TNFRSF14: variants seen among roughly 807,000 people sequenced by gnomAD.
The protein encoded by TNFRSF14 is tumor necrosis factor receptor superfamily member 14.
TNFRSF14 carries 18 observed loss-of-function variants against 34.1 expected under a neutral mutation model. That is an observed-to-expected ratio of 0.53 (90% CI 0.36 to 0.78). The LOEUF (loss-of-function observed/expected upper bound fraction) is 0.78, where lower values mean the gene tolerates loss of function less well. TNFRSF14 is among the 30% of genes least tolerant of loss of function. TNFRSF14 has a pLI of 0.00. For synonymous variants in TNFRSF14, 157 were observed against 153.2 expected (o/e 1.02, Z -0.18); for missense variants, 352 against 379.5 (o/e 0.93, Z 0.60).
At position 2,558,246 on chromosome 1, in the gene TNFRSF14, G is replaced by A. The variant is rs943237851; in HGVS notation, c.179-97G>A. 15 of 1,501,268 alleles carry A rather than the reference G, an allele frequency of 1.0e-5. 1 individual carries two copies. The South Asian group carries it at 1.5e-4, about 15-fold the overall frequency. 93.0% of individuals were successfully genotyped at this position (1,501,268 alleles called of 1,614,324 possible). A position where few individuals can be genotyped will look rare whatever the true frequency, so the allele number is the denominator to read the frequency against. On this transcript the variant is annotated intron_variant, in intron 2 of 7. Coordinates refer to ENST00000355716, the MANE Select transcript of TNFRSF14 (RefSeq NM_003820.4). ...GGCCATTTGAGTCCCCTTAGCTGGT[G>A]TCTCCCTGCTTGGGCTCTGGGCGCG... is the stretch of plus-strand genomic sequence containing the variant.
At chr1:2,563,073 G>A (rs1644334073) in intron 7 of TNFRSF14, 75 bp from the exon 8 acceptor site, 3 of 1,600,932 alleles carry the variant, frequency 1.9e-6, no homozygotes, top group South Asian at 1.1e-5. Flanking sequence ...ACTGAAAGCA[G>A]TAAAATGAAC....
At position 2,561,711 on chromosome 1, in the gene TNFRSF14, G is replaced by A. The variant is rs778507728; in HGVS notation, c.590G>A (p.Ser197Asn). ...WLVTKAGAGT[S>N]SSHWVWWFLS... Reference sequence around the variant, plus strand: ...GTGACGAAGGCCGGAGCTGGGACCAGCAGCTCCCACTGGGTATGGTGGTTT... The same window carrying A: ...GTGACGAAGGCCGGAGCTGGGACCAACAGCTCCCACTGGGTATGGTGGTTT... The change falls in exon 6 of 8, where the codon AGC (serine) becomes AAC (asparagine). Residue 197 changes from serine (S) to asparagine (N), a missense_variant. By Grantham distance (46) the Ser-to-Asn change is conservative. Coordinates refer to ENST00000355716, the MANE Select transcript of TNFRSF14 (RefSeq NM_003820.4). This position sits in a 1 kb window ranked among gnomAD's most constrained non-coding sequence, Gnocchi z 6.0. 1 of 1,613,448 alleles carries A rather than the reference G, an allele frequency of 6.2e-7. No individual in the cohort carries two copies. Among genetic ancestry groups the A allele is most frequent in the Admixed American group, 1.7e-5 (1 of 60,024 alleles).
Position 2,561,429 on chromosome 1 carries a change from T to C in TNFRSF14, c.552-244T>C. On this transcript the variant is annotated intron_variant, in intron 5 of 7. Transcript: ENST00000355716. This position sits in a 1 kb window ranked among gnomAD's most constrained non-coding sequence, Gnocchi z 6.0. ...TCTCTCCCCTCTCCCTCTGCCGTCC[T>C]GTCTCCTTTGCCCAGTCTCTCCTTG... 1 of 1,446,058 alleles carries C rather than the reference T, an allele frequency of 6.9e-7. No individual in the cohort carries two copies. Among genetic ancestry groups the C allele is most frequent in the Non-Finnish European group, 9.2e-7 (1 of 1,083,604 alleles). The allele number at this position is 1,446,058 out of a possible 1,614,324, so 89.6% of individuals were successfully genotyped here. A position where few individuals can be genotyped will look rare whatever the true frequency, so the allele number is the denominator to read the frequency against.
chr1:2,554,381 CCGGGAGGTAA>C (rs1644184580), upstream of TNFRSF14: 1 of 152,638 alleles, frequency 6.6e-6, no homozygotes, highest in Non-Finnish European at 1.5e-5. This position sits in a 1 kb window ranked among gnomAD's most constrained non-coding sequence, Gnocchi z 4.2. Flanking sequence ...CTCCTGCTGC[CCGGGAGGTAA>C]CACCCTGGAC....
chr1:2,562,589 A>T (rs1644326139), intron 6 of TNFRSF14: 1 of 585,602 alleles, frequency 1.7e-6, no homozygotes, highest in South Asian at 2.0e-5. Context: ...TGACGGTTGA[A>T]TTAGGGTTAG....
chr1:2,563,102 AGG>A, intron 7 of TNFRSF14, 44 bp from the exon 8 acceptor site: 5 of 1,608,314 alleles, frequency 3.1e-6, no homozygotes, highest in Non-Finnish European at 4.3e-6. Flanking sequence ...CTGGAGTCCC[AGG>A]GGGGCCTGAG....
chr1:2,558,811 G>A, intron 3 of TNFRSF14: 4 of 1,334,540 alleles, frequency 3.0e-6, no homozygotes, highest in Non-Finnish European at 3.9e-6. Context: ...ATGGGATGGT[G>A]CTGGGACTCT....
chr1:2,559,030 C>G, intron 3 of TNFRSF14: 1 of 1,368,966 alleles, frequency 7.3e-7, no homozygotes, highest in Non-Finnish European at 9.6e-7. Flanking sequence ...CGGCTCTGTC[C>G]CCTTGGAGCC....
In TNFRSF14 at chr1:2,561,937, A is replaced by C; in HGVS notation, c.694+122A>C. On this transcript the variant is annotated intron_variant, in intron 6 of 7. Transcript: ENST00000355716. The surrounding 1 kb of genome is among the most constrained non-coding windows in gnomAD (Gnocchi z 6.0). ...CAGGATCCGCGGCTCCTCCCAGGGCAGCCACTGCAGGCTGGGGCAGGTGGG... is the reference window on the plus strand; with the variant it reads ...CAGGATCCGCGGCTCCTCCCAGGGCCGCCACTGCAGGCTGGGGCAGGTGGG... 9.0e-7 allele frequency: 1 copy of C among 1,111,550 alleles called. No homozygotes were observed. The highest frequency in any genetic ancestry group is 1.5e-5 in the South Asian group (1 of 67,588). The allele number at this position is 1,111,550 out of a possible 1,614,324, so 68.9% of individuals were successfully genotyped here.
Position 2,559,924 on chromosome 1 carries a change from G to T in TNFRSF14, c.406G>T (p.Ala136Ser). 6.3e-7 allele frequency: 1 copy of T among 1,599,580 alleles called. No individual in the cohort carries two copies. The highest frequency in any genetic ancestry group is 8.5e-7 in the Non-Finnish European group (1 of 1,173,506). Reference sequence around the variant, plus strand: ...CATCGTCCAGGACGGGGACCACTGCGCCGCGTGCCGCGCTTACGCCACCTC... The same window carrying T: ...CATCGTCCAGGACGGGGACCACTGCTCCGCGTGCCGCGCTTACGCCACCTC... ...FCIVQDGDHCAACRAYATSSP... is the reference protein window; with the variant it reads ...FCIVQDGDHCSACRAYATSSP... Residue 136 changes from alanine (A) to serine (S), a missense_variant, in exon 4 of 8, where the codon GCC (alanine) becomes TCC (serine). By Grantham distance (99) the Ala-to-Ser change is moderately conservative. Coordinates refer to ENST00000355716, the MANE Select transcript of TNFRSF14 (RefSeq NM_003820.4).
Position 2,557,794 on chromosome 1 carries a change from G to A in TNFRSF14, c.138G>A (p.Glu46=), listed in dbSNP as rs762283177. The change falls in exon 2 of 8, where the codon GAG becomes GAA. Residue 46 remains glutamate, a synonymous_variant. Transcript: ENST00000355716. ...CTCTGCCGTCCTGCAAGGAGGACGA[G>A]TACCCAGTGGGCTCCGAGTGCTGCC... ...APALPSCKED[E]YPVGSECCPK... 1.9e-6 allele frequency: 3 copies of A among 1,611,322 alleles called. No homozygotes were observed. The highest frequency in any genetic ancestry group is 2.5e-6 in the Non-Finnish European group (3 of 1,178,878).
In TNFRSF14 at chr1:2,559,943, C is replaced by T. The variant is rs369540003; in HGVS notation, c.425C>T (p.Ala142Val). Residue 142 changes from alanine to valine, a missense_variant, in exon 4 of 8, where the codon GCC becomes GTC. By Grantham distance (64) the Ala-to-Val change is moderately conservative. Coordinates refer to ENST00000355716, the MANE Select transcript of TNFRSF14 (RefSeq NM_003820.4). Reference protein sequence around the residue: ...GDHCAACRAYATSSPGQRVQK... With the variant: ...GDHCAACRAYVTSSPGQRVQK... ...CACTGCGCCGCGTGCCGCGCTTACG[C>T]CACCTCCAGCCCGGGCCAGAGGGTG... The T allele has an allele frequency of 6.3e-6, 10 of 1,592,000 alleles. No homozygotes were observed. Among genetic ancestry groups the T allele is most frequent in the East Asian group, 2.3e-5 (1 of 43,914 alleles).
chr1:2,558,369 G>C lies in TNFRSF14; in HGVS notation c.205G>C (p.Glu69Gln). The change falls in exon 3 of 8, where the codon GAG (glutamate) becomes CAG (glutamine). Residue 69 changes from glutamate to glutamine, a missense_variant. By Grantham distance (29) the Glu-to-Gln change is conservative (BLOSUM62 2). Transcript: ENST00000355716. ...PGYRVKEACG[E>Q]LTGTVCEPCP... Reference sequence around the variant, plus strand: ...TTATCGTGTGAAGGAGGCCTGCGGGGAGCTGACGGGCACAGTGTGTGAACC... The same window carrying C: ...TTATCGTGTGAAGGAGGCCTGCGGGCAGCTGACGGGCACAGTGTGTGAACC... 9 of 1,610,458 alleles carry C rather than the reference G, an allele frequency of 5.6e-6. No homozygotes were observed. Among genetic ancestry groups the C allele is most frequent in the East Asian group, 2.2e-5 (1 of 44,622 alleles).
upstream of TNFRSF14, chr1:2,556,129 A>T: frequency 2.7e-5 from 10 of 363,988 alleles, 1 homozygote; most frequent in South Asian, 2.0e-4. Flanking sequence ...TGGTGGTTTT[A>T]TTCGGAAGGG....
chr1:2,559,467 G>T (rs762076867), intron 3 of TNFRSF14: 6 of 1,431,328 alleles, frequency 4.2e-6, no homozygotes, highest in African/African-American at 2.8e-5. Flanking sequence ...TGCGGGGTGG[G>T]TGTCTGGGTG....
intron 7 of TNFRSF14, 88 bp downstream of exon 7, chr1:2,562,984 T>TG (rs2100864538): frequency 6.6e-7 from 1 of 1,512,760 alleles, no homozygotes; most frequent in Middle Eastern, 1.7e-4. Context: ...GTGTACATGG[T>TG]GGGGGCTCCC....
chr1:2,562,949 C>G (rs568092845), intron 7 of TNFRSF14, 53 bp downstream of exon 7: 4 of 1,551,048 alleles, frequency 2.6e-6, no homozygotes, highest in South Asian at 2.2e-5. Context: ...CACCTCCCCT[C>G]TCCCCGCTGG....
At chr1:2,558,239 A>G in intron 2 of TNFRSF14, 104 bp from the exon 3 acceptor site, 1 of 1,486,488 alleles carries the variant, frequency 6.7e-7, no homozygotes, top group Non-Finnish European at 8.9e-7. Context: ...GAGTCCCCTT[A>G]GCTGGTGTCT....
chr1:2,561,891 GAGGTGGCC>G lies in TNFRSF14; in HGVS notation c.694+77_694+84del. On this transcript the variant is annotated intron_variant, in intron 6 of 7. Transcript: ENST00000355716. The surrounding 1 kb of genome is among the most constrained non-coding windows in gnomAD (Gnocchi z 6.0). ...TGGAGCTCTGTCACCCCAAGCCTGG[GAGGTGGCC>G]CCAGAGCTTTTCCAGGATCCGCGGC... The G allele has an allele frequency of 6.7e-7, 1 of 1,493,094 alleles. No individual in the cohort carries two copies. The highest frequency in any genetic ancestry group is 9.1e-7 in the Non-Finnish European group (1 of 1,097,172). 92.5% of individuals were successfully genotyped at this position (1,493,094 alleles called of 1,614,324 possible).
Sources: gnomAD v4.1 joint callset for allele counts on GRCh38, gnomAD v4.1.1 for gene constraint, Gnocchi (gnomAD v3.1) non-coding constraint, MANE v1.5 for transcripts, NCBI Gene and HGNC (gene_info 2026-07-23, HGNC 2026-07-21) for gene names.